Variants in CCR1 observed in about 807,000 individuals in gnomAD.
The protein encoded by CCR1 is C-C motif chemokine receptor 1.
CCR1 carries 1 observed loss-of-function variant against 0.3 expected under a neutral mutation model. That is an observed-to-expected ratio of 3.70 (90% CI 1.31 to 17.54). The LOEUF (loss-of-function observed/expected upper bound fraction) is 17.54. CCR1 is among the 30% of genes most tolerant of loss of function. CCR1 has a pLI of 0.11. For synonymous variants in CCR1, 207 were observed against 182.5 expected, an observed-to-expected ratio of 1.13 and a Z score of -1.08; for missense variants, 349 against 435.4, an observed-to-expected ratio of 0.80 and a Z score of 1.77.
intron 1 of CCR1, among the ~76,000 whole-genome samples, chr3:46,205,556 A>G (rs766301956): frequency 2.0e-5 from 3 of 152,116 alleles, no homozygotes; most frequent in Non-Finnish European, 4.4e-5. Flanking sequence ...CTTTTTTGGC[A>G]CTTGAATCCT....
intron 1 of CCR1, among the ~76,000 whole-genome samples, chr3:46,207,439 C>A (rs2125921133): frequency 6.6e-6 from 1 of 152,190 alleles, no homozygotes; most frequent in East Asian, 1.9e-4. Context: ...CTGGCCAGCT[C>A]CTTGCCTTTG....
At position 46,203,865 on chromosome 3, in the gene CCR1, C is replaced by T; in HGVS notation, c.449G>A (p.Gly150Asp). 6.2e-7 allele frequency: 1 copy of T among 1,614,134 alleles called. No homozygotes were observed. Among genetic ancestry groups the T allele is most frequent in the Non-Finnish European group, 8.5e-7 (1 of 1,180,032 alleles). Reference sequence around the variant, plus strand: ...CCAAATGATGATGCTGGTGATGACACCAAAAGTGACGGTCCGTGCCCGCAA... The same window carrying T: ...CCAAATGATGATGCTGGTGATGACATCAAAAGTGACGGTCCGTGCCCGCAA... The part of the protein sequence containing the change: ...FALRARTVTF[G>D]VITSIIIWAL... The change falls in exon 2 of 2, where the codon GGT becomes GAT. Residue 150 changes from glycine (G) to aspartate (D), a missense_variant. Physicochemically the swap from Gly to Asp is moderately conservative, Grantham distance 94. Transcript: ENST00000296140. The surrounding 1 kb of genome is among the most constrained non-coding windows in gnomAD (Gnocchi z 4.5).
rs768750994 is a variant in CCR1 at position 46,203,903 on chromosome 3, G to A, written c.411C>T (p.His137=). The part of the protein sequence containing the change: ...LTIDRYLAIV[H]AVFALRARTV... ...TCCGTGCCCGCAAGGCAAACACGGC[G>A]TGGACGATGGCCAGGTACCTGTCAA... Residue 137 remains histidine, a synonymous_variant, in exon 2 of 2, where the codon CAC becomes CAT. Coordinates refer to ENST00000296140, the MANE Select transcript of CCR1 (RefSeq NM_001295.3). The surrounding 1 kb of genome is among the most constrained non-coding windows in gnomAD (Gnocchi z 4.5). The A allele has an allele frequency of 1.8e-5, 29 of 1,614,082 alleles. No individual in the cohort carries two copies. In the Middle Eastern group the frequency reaches 4.9e-4, roughly 27 times the overall value.
In CCR1 at chr3:46,207,936, C is replaced by T. The variant is rs544778134; in HGVS notation, c.-12+346G>A. ...ATTACAGCCGTGAGCCACTGCGCCC[C>T]GCCAAGTAATTTCTTATTGAATAGG... On this transcript the variant is annotated intron_variant, in intron 1 of 1. Transcript: ENST00000296140. 1.9e-4 allele frequency among the ~76,000 whole-genome samples: 29 copies of T among 152,194 alleles called. No individual in the cohort carries two copies. In the South Asian group the frequency reaches 2.3e-3, roughly 12 times the overall value.
At position 46,203,672 on chromosome 3, in the gene CCR1, G is replaced by C. The variant is rs1464717814; in HGVS notation, c.642C>G (p.Val214=). 1 of 1,614,158 alleles carries C rather than the reference G, an allele frequency of 6.2e-7. No homozygotes were observed. The highest frequency in any genetic ancestry group is 1.1e-5 in the South Asian group (1 of 91,050). Residue 214 remains valine (V), a synonymous_variant, in exon 2 of 2, where the codon GTC becomes GTG. Transcript: ENST00000296140. The surrounding 1 kb of genome is among the most constrained non-coding windows in gnomAD (Gnocchi z 4.5). ...TAATCCCTGTGTAGCAGATGATCAT[G>C]ACCAACAAAGGCAATACCAGCCCAA... is the stretch of plus-strand genomic sequence containing the variant. ...NLFGLVLPLL[V]MIICYTGIIK... is the part of the protein sequence containing the mutation.
At chr3:46,204,389 C>G in intron 1 of CCR1, 65 bp from the exon 2 acceptor site, 1 of 1,033,036 alleles carries the variant, frequency 9.7e-7, no homozygotes, top group Non-Finnish European at 1.4e-6. Flanking sequence ...GGGCACTGGA[C>G]AGTAAAGACA....
At chr3:46,204,378 T>A in intron 1 of CCR1, 54 bp from the exon 2 acceptor site, 1 of 1,155,234 alleles carries the variant, frequency 8.7e-7, no homozygotes, top group Non-Finnish European at 1.2e-6. Flanking sequence ...CTAAAGGCAG[T>A]GGGCACTGGA....
intron 1 of CCR1, among the ~76,000 whole-genome samples, chr3:46,206,471 G>A (rs892714160): frequency 4.6e-5 from 7 of 152,164 alleles, no homozygotes; most frequent in African/African-American, 7.2e-5. Context: ...CAGACAGTTC[G>A]GTTTGATAGT....
At position 46,204,331 on chromosome 3, in the gene CCR1, G is replaced by GT. The variant is rs1699628500; in HGVS notation, c.-11-8dup. The GT allele has an allele frequency of 2.1e-6, 3 of 1,446,648 alleles. No homozygotes were observed. The Admixed American group carries it at 7.2e-5, about 35-fold the overall frequency. 89.6% of individuals were successfully genotyped at this position (1,446,648 alleles called of 1,614,324 possible). ...GTTTCCATCCCGGCTTCTCCTACAG[G>GT]TTAAAAAAAAAAAAAAGATTTGTCT... is the stretch of plus-strand genomic sequence containing the variant. On this transcript the variant is annotated splice_polypyrimidine_tract_variant and splice_region_variant and intron_variant, in intron 1 of 1. Coordinates refer to ENST00000296140, the MANE Select transcript of CCR1 (RefSeq NM_001295.3).
At position 46,208,275 on chromosome 3, in the gene CCR1, C is replaced by G. The variant is rs1465803229; in HGVS notation, c.-12+7G>C. 2.0e-5 allele frequency: 3 copies of G among 152,188 alleles called. No individual in the cohort carries two copies. The highest frequency in any genetic ancestry group is 7.2e-5 in the African/African-American group (3 of 41,432). 9.4% of individuals were successfully genotyped at this position (152,188 alleles called of 1,614,324 possible). A position where few individuals can be genotyped will look rare whatever the true frequency, so the allele number is the denominator to read the frequency against. ...CAGATAAGACAGAAAAGACAAGTGACACTTACTCTGGTTCCAAGGGACTTT... is the reference window on the plus strand; with the variant it reads ...CAGATAAGACAGAAAAGACAAGTGAGACTTACTCTGGTTCCAAGGGACTTT... On this transcript the variant is annotated splice_region_variant and intron_variant, in intron 1 of 1. Coordinates refer to ENST00000296140, the MANE Select transcript of CCR1 (RefSeq NM_001295.3).
chr3:46,207,931 C>T (rs776907881), intron 1 of CCR1, among the ~76,000 whole-genome samples: 7 of 152,154 alleles, frequency 4.6e-5, no homozygotes, highest in African/African-American at 7.2e-5. Context: ...TGAGCCACTG[C>T]GCCCCGCCAA....
At chr3:46,206,435 GCAGCCA>G (rs1464455081) in intron 1 of CCR1, among the ~76,000 whole-genome samples, 2 of 152,286 alleles carry the variant, frequency 1.3e-5, no homozygotes, top group East Asian at 3.9e-4. Context: ...TCTAATTTCT[GCAGCCA>G]CAGCCATTGC....
chr3:46,203,313 T>A lies in CCR1; in HGVS notation c.1001A>T (p.Asp334Val). ...TGTGGAGCTGACCCTCTCCAGCCTGTCCACGGAGAGGAAGGGGAGCCATTT... is the reference window on the plus strand; with the variant it reads ...TGTGGAGCTGACCCTCTCCAGCCTGACCACGGAGAGGAAGGGGAGCCATTT... Reference protein sequence around the residue: ...LVKWLPFLSVDRLERVSSTSP... With the variant: ...LVKWLPFLSVVRLERVSSTSP... Residue 334 changes from aspartate to valine, a missense_variant, in exon 2 of 2, where the codon GAC (aspartate) becomes GTC (valine). Physicochemically the swap from Asp to Val is radical, Grantham distance 152 (BLOSUM62 -3). Transcript: ENST00000296140. The surrounding 1 kb of genome is among the most constrained non-coding windows in gnomAD (Gnocchi z 4.5). The A allele has an allele frequency of 6.2e-7, 1 of 1,614,114 alleles. No homozygotes were observed. The highest frequency in any genetic ancestry group is 8.5e-7 in the Non-Finnish European group (1 of 1,180,006).
Position 46,203,137 on chromosome 3 carries a change from C to G in CCR1, c.*109G>C. On this transcript the variant is annotated 3_prime_UTR_variant, in exon 2 of 2. Coordinates refer to ENST00000296140, the MANE Select transcript of CCR1 (RefSeq NM_001295.3). This position sits in a 1 kb window ranked among gnomAD's most constrained non-coding sequence, Gnocchi z 4.5. ...CCCTCTCTATCCCAAGTGGCTGTGACTCCATGCTGTGCCAAGAGTCAGAAC... is the reference window on the plus strand; with the variant it reads ...CCCTCTCTATCCCAAGTGGCTGTGAGTCCATGCTGTGCCAAGAGTCAGAAC... 2 of 748,370 alleles carry G rather than the reference C, an allele frequency of 2.7e-6. No homozygotes were observed. The highest frequency in any genetic ancestry group is 4.4e-6 in the Non-Finnish European group (2 of 455,638). 46.4% of individuals were successfully genotyped at this position (748,370 alleles called of 1,614,324 possible). A position where few individuals can be genotyped will look rare whatever the true frequency, so the allele number is the denominator to read the frequency against.
chr3:46,206,487 CT>C (rs1201928159), intron 1 of CCR1, among the ~76,000 whole-genome samples: 1 of 152,178 alleles, frequency 6.6e-6, no homozygotes, highest in Non-Finnish European at 1.5e-5. Context: ...ATAGTCAGCA[CT>C]TTTCGGTGGG....
chr3:46,207,724 A>C (rs1196430735), intron 1 of CCR1, among the ~76,000 whole-genome samples: 4 of 150,996 alleles, frequency 2.6e-5, no homozygotes, highest in Non-Finnish European at 5.9e-5. Flanking sequence ...AGCTCACTGC[A>C]ACCTCCACCT....
Position 46,203,404 on chromosome 3 carries a change from C to T in CCR1, c.910G>A (p.Val304Ile), listed in dbSNP as rs199658624. The T allele has an allele frequency of 2.0e-5, 33 of 1,614,054 alleles. No homozygotes were observed. The highest frequency in any genetic ancestry group is 1.6e-4 in the Middle Eastern group (1 of 6,084). Residue 304 changes from valine (V) to isoleucine (I), a missense_variant, in exon 2 of 2, where the codon GTT becomes ATT. Physicochemically the swap from Val to Ile is conservative, Grantham distance 29. Coordinates refer to ENST00000296140, the MANE Select transcript of CCR1 (RefSeq NM_001295.3). The surrounding 1 kb of genome is among the most constrained non-coding windows in gnomAD (Gnocchi z 4.5). The part of the protein sequence containing the change: ...CCVNPVIYAF[V>I]GERFRKYLRQ... Reference sequence around the variant, plus strand: ...AGGTACTTCCGGAACCTCTCACCAACGAAGGCGTAGATCACTGGGTTGACA... The same window carrying T: ...AGGTACTTCCGGAACCTCTCACCAATGAAGGCGTAGATCACTGGGTTGACA...
At chr3:46,208,219 T>C (rs893718326) in intron 1 of CCR1, 63 bp downstream of exon 1, 2 of 152,222 alleles carry the variant, frequency 1.3e-5, no homozygotes, top group Non-Finnish European at 2.9e-5. Flanking sequence ...GCTGCATGCA[T>C]GTCTTTGAAC....
In CCR1 at chr3:46,204,152, C is replaced by G. The variant is rs61755291; in HGVS notation, c.162G>C (p.Leu54=). 3,753 of 1,614,148 alleles carry G rather than the reference C, an allele frequency of 2.3e-3. 6 individuals carry two copies. The highest frequency in any genetic ancestry group is 3.1e-3 in the Middle Eastern group (19 of 6,062). The change falls in exon 2 of 2, where the codon CTG becomes CTC. Residue 54 remains leucine (L), a synonymous_variant. Coordinates refer to ENST00000296140, the MANE Select transcript of CCR1 (RefSeq NM_001295.3). ...TGTATTGCACAAGGACCAGGACCAC[C>G]AGGATGTTTCCAACCAGGCCAATGA... is the stretch of plus-strand genomic sequence containing the variant. ...VFVIGLVGNI[L]VVLVLVQYKR...
Sources: allele counts gnomAD v4.1 joint callset (sites outside exome capture counted in the v4.1 genomes callset), GRCh38; gene constraint gnomAD v4.1.1; non-coding constraint Gnocchi (gnomAD v3.1); transcripts MANE v1.5; gene names NCBI Gene and HGNC (gene_info 2026-07-23, HGNC 2026-07-21).